The following CCDC102B variants were observed in gnomAD, a reference collection of about 807,000 sequenced individuals.
CCDC102B encodes the protein coiled-coil domain-containing protein 102B.
In CCDC102B, 75 loss-of-function variants were observed where a neutral mutation model predicts 57.4. The ratio of observed to expected loss-of-function variants is 1.31; its 90% CI spans 1.08 to 1.58. The LOEUF (loss-of-function observed/expected upper bound fraction) is 1.58, where lower values mean the gene tolerates loss of function less well. CCDC102B is among the 40% of genes most tolerant of loss of function. The pLI is 0.00. For missense variants in CCDC102B, 636 were observed against 582.6 expected (o/e 1.09, Z -0.94); for synonymous variants, 206 against 201.9 (o/e 1.02, Z -0.17).
At chr18:69,026,515 G>A (rs1201680044) in intron 7 of CCDC102B, among the ~76,000 whole-genome samples, 1 of 151,370 alleles carries the variant, frequency 6.6e-6, no homozygotes, top group African/African-American at 2.4e-5. Flanking sequence ...GCGACATCTG[G>A]TTACTAGAAT....
intron 1 of CCDC102B, among the ~76,000 whole-genome samples, chr18:68,800,284 C>G (rs1397734174): frequency 6.6e-6 from 1 of 151,976 alleles, no homozygotes; most frequent in Non-Finnish European, 1.5e-5. Context: ...GTGAATCTGG[C>G]AGAAGTCGAG....
At chr18:69,000,351 A>T (rs2051167331) in intron 6 of CCDC102B, among the ~76,000 whole-genome samples, 1 of 152,068 alleles carries the variant, frequency 6.6e-6, no homozygotes. Context: ...GGATGTCTTG[A>T]TTTCTTCTGG....
chr18:68,746,187 T>G (rs2033613199), intron 2 of CCDC102B, among the ~76,000 whole-genome samples: 1 of 152,186 alleles, frequency 6.6e-6, no homozygotes, highest in South Asian at 2.1e-4. Flanking sequence ...AACCTTTCAA[T>G]ATATTACTGC....
chr18:68,893,804 T>C (rs2040156169), intron 5 of CCDC102B, among the ~76,000 whole-genome samples: 1 of 152,090 alleles, frequency 6.6e-6, no homozygotes, highest in South Asian at 2.1e-4. Flanking sequence ...AATATTACAG[T>C]TTTTACAAGC....
At chr18:68,934,703 T>C (rs910681293) in intron 6 of CCDC102B, among the ~76,000 whole-genome samples, 3 of 151,988 alleles carry the variant, frequency 2.0e-5, no homozygotes, top group Non-Finnish European at 4.4e-5. Flanking sequence ...ACAATAGCAA[T>C]TTTAACAGTG....
rs560453188 is a variant in CCDC102B at position 68,978,494 on chromosome 18, G to T, written c.1264-32440G>T. Among the ~76,000 whole-genome samples the T allele has an allele frequency of 3.6e-4, 54 of 151,976 alleles. No homozygotes were observed. The East Asian group carries it at 8.7e-3, about 25-fold the overall frequency. The stretch of plus-strand genomic sequence containing the variant: ...AAGACTTTAGGTGTCAAAATATATT[G>T]ATTTATACTTAAAATTGATAATTAT... On this transcript the variant is annotated intron_variant, in intron 6 of 7. Coordinates refer to ENST00000360242, the MANE Select transcript of CCDC102B (RefSeq NM_024781.3).
intron 7 of CCDC102B, among the ~76,000 whole-genome samples, chr18:69,024,879 C>T (rs907336755): frequency 5.9e-5 from 9 of 151,808 alleles, no homozygotes; most frequent in African/African-American, 2.2e-4. Flanking sequence ...ATTGTGTAAA[C>T]ATTATATAGT....
chr18:68,844,658 A>G (rs1287056722), intron 3 of CCDC102B, among the ~76,000 whole-genome samples: 1 of 151,930 alleles, frequency 6.6e-6, no homozygotes, highest in Non-Finnish European at 1.5e-5. Context: ...TAGATATGCA[A>G]TATATTTCAC....
intron 7 of CCDC102B, among the ~76,000 whole-genome samples, chr18:69,031,873 T>TA (rs1368611358): frequency 6.6e-6 from 1 of 152,184 alleles, no homozygotes; most frequent in Non-Finnish European, 1.5e-5. Context: ...CAAAATCAAG[T>TA]AGGTTCATTC....
intron 4 of CCDC102B, among the ~76,000 whole-genome samples, chr18:68,849,753 C>T (rs78657404): frequency 0.02 from 2,972 of 152,214 alleles, 30 homozygotes; most frequent in Non-Finnish European, 0.026. Context: ...ACTGACAGCA[C>T]GCTTTCCTAC....
upstream of CCDC102B, among the ~76,000 whole-genome samples, chr18:68,796,676 G>A (rs1304343575): frequency 3.3e-5 from 5 of 152,026 alleles, no homozygotes; most frequent in Admixed American, 3.3e-4. Flanking sequence ...GGTGAGAAGG[G>A]CCAGCAAAAG....
intron 5 of CCDC102B, among the ~76,000 whole-genome samples, chr18:68,879,480 G>A (rs1568307383): frequency 6.6e-6 from 1 of 152,106 alleles, no homozygotes. Context: ...TTGACAGGGT[G>A]CTGATTGGTG....
At chr18:68,950,062 T>A (rs2049651757) in intron 6 of CCDC102B, among the ~76,000 whole-genome samples, 1 of 152,130 alleles carries the variant, frequency 6.6e-6, no homozygotes, top group African/African-American at 2.4e-5. Context: ...AACCTAAATA[T>A]TAAGTATTGG....
chr18:68,807,958 G>A (rs2144701053), intron 1 of CCDC102B, among the ~76,000 whole-genome samples: 1 of 152,216 alleles, frequency 6.6e-6, no homozygotes, highest in African/African-American at 2.4e-5. Flanking sequence ...TATGAGCAGG[G>A]ATGAACGTTT....
intron 4 of CCDC102B, among the ~76,000 whole-genome samples, chr18:68,858,471 T>G (rs544290924): frequency 1.3e-5 from 2 of 152,270 alleles, no homozygotes; most frequent in East Asian, 3.9e-4. Context: ...TCATTATATT[T>G]TTCAAATATT....
Position 69,043,177 on chromosome 18 carries a change from A to G in CCDC102B, c.1435-10853A>G, listed in dbSNP as rs978737660. Among the ~76,000 whole-genome samples the G allele has an allele frequency of 2.6e-4, 40 of 152,164 alleles. 1 individual carries two copies. Among genetic ancestry groups the G allele is most frequent in the Non-Finnish European group, 8.8e-5 (6 of 68,022 alleles). On this transcript the variant is annotated intron_variant, in intron 7 of 7. Transcript: ENST00000360242. ...GTGCTGTGCTTTTAGATATGCATAC[A>G]CATAAACATCTCAATGCTTTACAAA...
At chr18:68,970,672 G>A (rs1289869726) in intron 6 of CCDC102B, among the ~76,000 whole-genome samples, 1 of 151,772 alleles carries the variant, frequency 6.6e-6, no homozygotes, top group Admixed American at 6.6e-5. Flanking sequence ...AACTTGGAAT[G>A]GCCTCTAGCA....
intron 2 of CCDC102B, among the ~76,000 whole-genome samples, chr18:68,748,855 C>G (rs1430702191): frequency 6.6e-6 from 1 of 152,092 alleles, no homozygotes; most frequent in Non-Finnish European, 1.5e-5. Context: ...CAATGTGTGG[C>G]AGAGAAAAGC....
At chr18:68,880,813 T>C (rs1192946241) in intron 5 of CCDC102B, among the ~76,000 whole-genome samples, 6 of 152,204 alleles carry the variant, frequency 3.9e-5, no homozygotes, top group African/African-American at 1.4e-4. Flanking sequence ...TTAATCCTAG[T>C]AGTCACAAGT....
Sources: allele counts gnomAD v4.1 joint callset (sites outside exome capture counted in the v4.1 genomes callset), GRCh38; gene constraint gnomAD v4.1.1; transcripts MANE v1.5; gene names NCBI Gene and HGNC (gene_info 2026-07-23, HGNC 2026-07-21).